Variants in KPNA6 observed in about 807,000 individuals in gnomAD.
KPNA6 encodes the protein importin subunit alpha-7.
A neutral mutation model predicts 72.0 loss-of-function variants in KPNA6; 9 were observed. That is an observed-to-expected ratio of 0.13 (90% CI 0.08 to 0.22). The LOEUF is 0.22. KPNA6 is among the 10% of genes least tolerant of loss of function. The probability of loss-of-function intolerance (pLI) is 1.00; values close to 1 mark genes in which losing one functional copy is unlikely to be tolerated. For missense variants in KPNA6, 374 were observed against 655.7 expected, an observed-to-expected ratio of 0.57 and a Z score of 4.69; for synonymous variants, 219 against 242.1, an observed-to-expected ratio of 0.90 and a Z score of 0.89.
intron 1 of KPNA6, among the ~76,000 whole-genome samples, chr1:32,122,040 G>A (rs570391412): frequency 4.0e-5 from 6 of 151,506 alleles, no homozygotes; most frequent in African/African-American, 1.2e-4. Context: ...TTGGGAGGCC[G>A]AGGCAGGCGG....
Position 32,160,641 on chromosome 1 carries a change from T to C in KPNA6, c.585T>C (p.Ala195=), listed in dbSNP as rs1191959237. The change falls in exon 7 of 14, where the codon GCT becomes GCC. Residue 195 remains alanine, a synonymous_variant. Coordinates refer to ENST00000373625, the MANE Select transcript of KPNA6 (RefSeq NM_012316.5). The stretch of plus-strand genomic sequence containing the variant: ...CAGTCTGGGCACTGGGAAACATAGC[T>C]GGAGATAGCTCTGTTTGCCGAGATT... ...EQAVWALGNI[A]GDSSVCRDYV... is the part of the protein sequence containing the mutation. 3 of 1,614,072 alleles carry C rather than the reference T, an allele frequency of 1.9e-6. No homozygotes were observed. The highest frequency in any genetic ancestry group is 2.5e-6 in the Non-Finnish European group (3 of 1,179,946).
intron 1 of KPNA6, among the ~76,000 whole-genome samples, chr1:32,147,286 TTTTTGTTTTG>T (rs773957066): frequency 6.6e-6 from 1 of 152,178 alleles, no homozygotes; most frequent in South Asian, 2.1e-4. Context: ...AGCACTTTGC[TTTTTGTTTTG>T]TTTTGTTTTG....
At chr1:32,135,477 C>T (rs1356313409) in intron 1 of KPNA6, among the ~76,000 whole-genome samples, 4 of 148,598 alleles carry the variant, frequency 2.7e-5, no homozygotes, top group South Asian at 2.1e-4. Flanking sequence ...GAATTACAGG[C>T]GTGAGCCACC....
At chr1:32,108,320 G>T (rs527849599) in intron 1 of KPNA6, among the ~76,000 whole-genome samples, 186 bp downstream of exon 1, 1 of 152,262 alleles carries the variant, frequency 6.6e-6, no homozygotes, top group Admixed American at 6.5e-5. Flanking sequence ...CGTGCTGGAA[G>T]CAGTCCTTTG....
chr1:32,165,158 T>G (rs1419280141), intron 10 of KPNA6, among the ~76,000 whole-genome samples: 1 of 152,118 alleles, frequency 6.6e-6, no homozygotes, highest in Non-Finnish European at 1.5e-5. Context: ...CCTCCCACCT[T>G]GGCTTCTCAA....
rs1317730252 is a variant in KPNA6 at position 32,171,502 on chromosome 1, G to C, written c.*608G>C. Reference sequence around the variant, plus strand: ...CTTGTATTAAGATTGCTCTTCCCAAGAGCCACAAGTTCCTGGTTTTAGTAA... The same window carrying C: ...CTTGTATTAAGATTGCTCTTCCCAACAGCCACAAGTTCCTGGTTTTAGTAA... On this transcript the variant is annotated 3_prime_UTR_variant, in exon 14 of 14. Coordinates refer to ENST00000373625, the MANE Select transcript of KPNA6 (RefSeq NM_012316.5). 1 of 152,038 alleles carries C rather than the reference G, an allele frequency of 6.6e-6. No homozygotes were observed. The allele number at this position is 152,038 out of a possible 1,614,324, so 9.4% of individuals were successfully genotyped here. A position where few individuals can be genotyped will look rare whatever the true frequency, so the allele number is the denominator to read the frequency against.
intron 11 of KPNA6, among the ~76,000 whole-genome samples, chr1:32,166,497 C>T (rs1411679795): frequency 3.3e-5 from 5 of 151,564 alleles, no homozygotes; most frequent in South Asian, 2.1e-4. Flanking sequence ...TGGTGGCGGA[C>T]GCCTGTAATC....
chr1:32,162,022 A>G lies in KPNA6; in HGVS notation c.723A>G (p.Lys241=). The G allele has an allele frequency of 6.2e-7, 1 of 1,614,032 alleles. No individual in the cohort carries two copies. The highest frequency in any genetic ancestry group is 8.5e-7 in the Non-Finnish European group (1 of 1,179,974). The change falls in exon 8 of 14, where the codon AAA becomes AAG. Residue 241 remains lysine, a synonymous_variant. Transcript: ENST00000373625. ...CCCTGTCAAATCTCTGCCGAGGGAA[A>G]AACCCACCCCCAGAGTTTGCAAAGG... is the stretch of plus-strand genomic sequence containing the variant. ...VWALSNLCRG[K]NPPPEFAKVS...
At chr1:32,165,599 G>A (rs909372179) in intron 10 of KPNA6, among the ~76,000 whole-genome samples, 6 of 152,168 alleles carry the variant, frequency 3.9e-5, no homozygotes, top group African/African-American at 9.7e-5. Context: ...CTACTCAGGA[G>A]GCTGAAGTAG....
chr1:32,164,750 G>T (rs1642302071), intron 10 of KPNA6, among the ~76,000 whole-genome samples: 3 of 143,212 alleles, frequency 2.1e-5, no homozygotes, highest in South Asian at 2.2e-4. Context: ...TAATTGGGTT[G>T]TTGAGTTTTC....
chr1:32,154,848 C>A, intron 2 of KPNA6, 127 bp downstream of exon 2: 1 of 965,016 alleles, frequency 1.0e-6, no homozygotes. Flanking sequence ...TGGCTCATGT[C>A]TGTAATCCCA....
rs1642464300 is a variant in KPNA6 at position 32,172,930 on chromosome 1, C to T, written c.*2036C>T. ...CAGGTACTTATTATTGGCCATTGAT[C>T]TTGAATTTGCCCTCTCCTAGTGCTG... On this transcript the variant is annotated 3_prime_UTR_variant, in exon 14 of 14. Coordinates refer to ENST00000373625, the MANE Select transcript of KPNA6 (RefSeq NM_012316.5). The T allele has an allele frequency of 7.6e-6, 3 of 396,592 alleles. No homozygotes were observed. Among genetic ancestry groups the T allele is most frequent in the Non-Finnish European group, 1.3e-5 (3 of 225,400 alleles). The allele number at this position is 396,592 out of a possible 1,614,324, so 24.6% of individuals were successfully genotyped here. A position where few individuals can be genotyped will look rare whatever the true frequency, so the allele number is the denominator to read the frequency against.
At chr1:32,157,048 A>G in intron 3 of KPNA6, 103 bp downstream of exon 3, 1 of 810,006 alleles carries the variant, frequency 1.2e-6, no homozygotes, top group Non-Finnish European at 2.0e-6. Context: ...AGTAACCATG[A>G]CAAGTTCTTT....
At chr1:32,131,555 A>G (rs1321257238) in intron 1 of KPNA6, among the ~76,000 whole-genome samples, 2 of 151,988 alleles carry the variant, frequency 1.3e-5, no homozygotes, top group Non-Finnish European at 2.9e-5. Context: ...AACCACATAC[A>G]TACATACACA....
intron 1 of KPNA6, 151 bp downstream of exon 1, chr1:32,108,285 G>C: frequency 2.6e-6 from 3 of 1,167,372 alleles, no homozygotes; most frequent in Non-Finnish European, 3.7e-6. Context: ...TGCCCCTCTT[G>C]CCAGTTTTGG....
Position 32,170,817 on chromosome 1 carries a change from G to C in KPNA6, c.1534G>C (p.Ala512Pro). The change falls in exon 14 of 14, where the codon GCT becomes CCT. Residue 512 changes from alanine to proline, a missense_variant. Physicochemically the swap from Ala to Pro is conservative, Grantham distance 27 (BLOSUM62 -1). Coordinates refer to ENST00000373625, the MANE Select transcript of KPNA6 (RefSeq NM_012316.5). Reference sequence around the variant, plus strand: ...TGTAGAAGACGATGATAGCAGCCTGGCTCCCCAAGTCGATGAAACGCAACA... The same window carrying C: ...TGTAGAAGACGATGATAGCAGCCTGCCTCCCCAAGTCGATGAAACGCAACA... The part of the protein sequence containing the change: ...FGVEDDDSSL[A>P]PQVDETQQQF... The C allele has an allele frequency of 6.2e-7, 1 of 1,614,132 alleles. No individual in the cohort carries two copies. The highest frequency in any genetic ancestry group is 8.5e-7 in the Non-Finnish European group (1 of 1,180,006).
rs1295815499 is a variant in KPNA6 at position 32,149,695 on chromosome 1, G to A, written c.5-4893G>A. Among the ~76,000 whole-genome samples, 3 of 152,026 alleles carry A rather than the reference G, an allele frequency of 2.0e-5. No homozygotes were observed. The East Asian group carries it at 5.8e-4, about 29-fold the overall frequency. On this transcript the variant is annotated intron_variant, in intron 1 of 13. Transcript: ENST00000373625. Reference sequence around the variant, plus strand: ...TTGTGGATATCCGAGTTTCCATCTGGTATCATTTTCCTTCTACTTGAAGAC... The same window carrying A: ...TTGTGGATATCCGAGTTTCCATCTGATATCATTTTCCTTCTACTTGAAGAC...
At chr1:32,143,902 G>T (rs1297529823) in intron 1 of KPNA6, among the ~76,000 whole-genome samples, 1 of 152,182 alleles carries the variant, frequency 6.6e-6, no homozygotes, top group Non-Finnish European at 1.5e-5. Flanking sequence ...GTTGTAGCAT[G>T]TGTTAGACCT....
chr1:32,133,063 G>A lies in KPNA6; in HGVS notation c.5-21525G>A, dbSNP rs1178675383. Among the ~76,000 whole-genome samples, 42 of 152,042 alleles carry A rather than the reference G, an allele frequency of 2.8e-4. 1 individual carries two copies. Among genetic ancestry groups the A allele is most frequent in the South Asian group, 6.2e-4 (3 of 4,826 alleles). On this transcript the variant is annotated intron_variant, in intron 1 of 13. Coordinates refer to ENST00000373625, the MANE Select transcript of KPNA6 (RefSeq NM_012316.5). The stretch of plus-strand genomic sequence containing the variant: ...GAGTATTTTTTTAAGTGGTTGCAGG[G>A]CTGGGTGCGGGGTCTCACACCTGTA...
Sources: allele counts gnomAD v4.1 joint callset (sites outside exome capture counted in the v4.1 genomes callset), GRCh38; gene constraint gnomAD v4.1.1; transcripts MANE v1.5; gene names NCBI Gene and HGNC (gene_info 2026-07-23, HGNC 2026-07-21).